DLGAP5: variants seen among roughly 807,000 people sequenced by gnomAD.
DLGAP5 encodes the protein disks large-associated protein 5.
DLGAP5 carries 90 observed loss-of-function variants against 99.6 expected under a neutral mutation model. The observed-to-expected ratio is 0.90, with a 90% CI of 0.76 to 1.08. The LOEUF (loss-of-function observed/expected upper bound fraction) is 1.08, where lower values mean the gene tolerates loss of function less well. Among genes scored for constraint, DLGAP5 ranks in the 50% least tolerant of loss-of-function variants. The probability of loss-of-function intolerance (pLI) is 0.00; values close to 1 mark genes in which losing one functional copy is unlikely to be tolerated. For synonymous variants in DLGAP5, 311 were observed against 321.3 expected, an observed-to-expected ratio of 0.97 and a Z score of 0.34; for missense variants, 1,036 against 983.5, an observed-to-expected ratio of 1.05 and a Z score of -0.71.
chr14:55,149,737 A>G (rs1881944650), intron 18 of DLGAP5, among the ~76,000 whole-genome samples: 1 of 150,436 alleles, frequency 6.6e-6, no homozygotes, highest in African/African-American at 2.4e-5. Context: ...CAAATCCCTA[A>G]CTCCAGATCA....
intron 3 of DLGAP5, among the ~76,000 whole-genome samples, chr14:55,182,846 C>T (rs1001094371): frequency 6.6e-6 from 1 of 152,254 alleles, no homozygotes; most frequent in Non-Finnish European, 1.5e-5. Flanking sequence ...CTTAAACACT[C>T]ATCCATATTC....
intron 13 of DLGAP5, among the ~76,000 whole-genome samples, chr14:55,162,054 T>C (rs1164179021): frequency 6.6e-6 from 1 of 151,830 alleles, no homozygotes; most frequent in Non-Finnish European, 1.5e-5. Context: ...TCTCATATCA[T>C]AAAGAAAAAC....
At chr14:55,187,843 C>T (rs1427240840) in intron 2 of DLGAP5, among the ~76,000 whole-genome samples, 1 of 152,174 alleles carries the variant, frequency 6.6e-6, no homozygotes, top group Non-Finnish European at 1.5e-5. Context: ...AATGGCCTCT[C>T]ATTTCAGAGT....
Position 55,159,317 on chromosome 14 carries a change from TAAGA to T in DLGAP5, c.1654-580_1654-577del, listed in dbSNP as rs764777167. On this transcript the variant is annotated intron_variant, in intron 13 of 18. Coordinates refer to ENST00000247191, the MANE Select transcript of DLGAP5 (RefSeq NM_014750.5). ...AAAAATCACCTGCATGTAATGGTCT[TAAGA>T]AAGTCACATTTACACAGAGGACAAG... 9.9e-5 allele frequency among the ~76,000 whole-genome samples: 15 copies of T among 152,170 alleles called. 1 individual carries two copies. Among genetic ancestry groups the T allele is most frequent in the Non-Finnish European group, 1.5e-4 (10 of 68,032 alleles).
chr14:55,165,734 A>G (rs982903100), intron 12 of DLGAP5, among the ~76,000 whole-genome samples: 1 of 152,252 alleles, frequency 6.6e-6, no homozygotes, highest in Non-Finnish European at 1.5e-5. Flanking sequence ...AATTAAGCAT[A>G]GACATCAATC....
chr14:55,149,320 T>C (rs1056978392), intron 18 of DLGAP5, among the ~76,000 whole-genome samples: 1 of 152,176 alleles, frequency 6.6e-6, no homozygotes, highest in East Asian at 1.9e-4. Flanking sequence ...AAAGCCCTGA[T>C]CCTCTAGGTC....
intron 10 of DLGAP5, among the ~76,000 whole-genome samples, chr14:55,171,787 A>G (rs1280926318): frequency 1.3e-5 from 2 of 152,214 alleles, no homozygotes; most frequent in Non-Finnish European, 1.5e-5. Flanking sequence ...TTCGGCCTTA[A>G]AAAGGAAAGT....
At chr14:55,162,527 G>A (rs1882481856) in intron 13 of DLGAP5, among the ~76,000 whole-genome samples, 1 of 151,894 alleles carries the variant, frequency 6.6e-6, no homozygotes, top group Non-Finnish European at 1.5e-5. Flanking sequence ...GCTGAGGCAG[G>A]AGAATGGCGT....
intron 10 of DLGAP5, among the ~76,000 whole-genome samples, chr14:55,172,799 T>C (rs188936757): frequency 9.3e-4 from 141 of 151,838 alleles, no homozygotes; most frequent in Middle Eastern, 3.4e-3. Context: ...TTGACCAACA[T>C]GGTGAAACCC....
intron 13 of DLGAP5, 60 bp from the exon 14 acceptor site, chr14:55,158,801 AACAAAC>A (rs1163518785): frequency 8.4e-7 from 1 of 1,196,670 alleles, no homozygotes; most frequent in Non-Finnish European, 1.2e-6. Flanking sequence ...AAAAACACAC[AACAAAC>A]ACAAATTCAT....
At chr14:55,172,779 C>T (rs921781386) in intron 10 of DLGAP5, among the ~76,000 whole-genome samples, 1 of 151,748 alleles carries the variant, frequency 6.6e-6, no homozygotes, top group African/African-American at 2.4e-5. Flanking sequence ...GTCAGGAGTT[C>T]GAGACCAGCT....
At chr14:55,158,825 A>G (rs1882306014) in intron 13 of DLGAP5, 84 bp from the exon 14 acceptor site, 1 of 947,866 alleles carries the variant, frequency 1.1e-6, no homozygotes, top group African/African-American at 1.7e-5. Context: ...CATCACTTAA[A>G]AATTTAATTT....
At chr14:55,149,626 C>T (rs143047673) in intron 18 of DLGAP5, among the ~76,000 whole-genome samples, 1,728 of 152,168 alleles carry the variant, frequency 0.011, 13 homozygotes, top group Non-Finnish European at 0.018. Flanking sequence ...AAACCAAGAC[C>T]GTTTTCTGAT....
At chr14:55,177,407 G>C (rs1415275012) in intron 7 of DLGAP5, 71 bp from the exon 8 acceptor site, 3 of 1,380,198 alleles carry the variant, frequency 2.2e-6, no homozygotes, top group Non-Finnish European at 2.9e-6. Flanking sequence ...ATTTTTATAG[G>C]TCTGAAAATA....
At chr14:55,150,777 C>G in intron 18 of DLGAP5, 22 bp downstream of exon 18, 1 of 1,540,534 alleles carries the variant, frequency 6.5e-7, no homozygotes, top group East Asian at 2.4e-5. Context: ...TATAAAGGGA[C>G]TTGTCAAGTT....
At chr14:55,152,150 G>T (rs1217173595) in intron 16 of DLGAP5, among the ~76,000 whole-genome samples, 12 of 152,128 alleles carry the variant, frequency 7.9e-5, no homozygotes, top group Admixed American at 7.9e-4. Flanking sequence ...AAGTTTCTCA[G>T]CAAGTACCTA....
chr14:55,181,867 T>C (rs1158141790), intron 4 of DLGAP5, among the ~76,000 whole-genome samples: 1 of 152,194 alleles, frequency 6.6e-6, no homozygotes, highest in Non-Finnish European at 1.5e-5. Context: ...ACAAAGAGAA[T>C]TTAGTTTATT....
At chr14:55,185,089 A>G (rs1027749028) in intron 2 of DLGAP5, among the ~76,000 whole-genome samples, 3 of 152,308 alleles carry the variant, frequency 2.0e-5, no homozygotes, top group Admixed American at 6.5e-5. Context: ...TGAAGTTACA[A>G]GCATGCGGTA....
In DLGAP5 at chr14:55,177,062, A is replaced by G; in HGVS notation, c.1049T>C (p.Val350Ala). The G allele has an allele frequency of 7.0e-7, 1 of 1,431,194 alleles. No homozygotes were observed. The highest frequency in any genetic ancestry group is 9.2e-7 in the Non-Finnish European group (1 of 1,091,580). 88.7% of individuals were successfully genotyped at this position (1,431,194 alleles called of 1,614,324 possible). ...CTTATTATTAAGATCATATTCTTAC[A>G]CTTCTGTTTTTAAAGGAGTCCAGGT... The part of the protein sequence containing the change: ...SYTWTPLKTE[V>A]DESQATKEIL... The change falls in exon 8 of 19, where the codon GTT (valine) becomes GCT (alanine). Residue 350 changes from valine to alanine, a missense_variant and splice_region_variant. Transcript: ENST00000247191.
Sources: allele counts gnomAD v4.1 joint callset (sites outside exome capture counted in the v4.1 genomes callset), GRCh38; gene constraint gnomAD v4.1.1; transcripts MANE v1.5; gene names NCBI Gene and HGNC (gene_info 2026-07-23, HGNC 2026-07-21).